XKR6: variants seen among roughly 807,000 people sequenced by gnomAD.
XKR6 encodes XK related 6, also known as XK-related protein 6.
In XKR6, 22 loss-of-function variants were observed where a neutral mutation model predicts 56.7. The observed-to-expected ratio is 0.39, with a 90% CI of 0.28 to 0.55. The LOEUF is 0.55. Ranked by LOEUF, XKR6 falls within the 20% of genes least tolerant of loss-of-function variation. The pLI is 0.66. For missense variants in XKR6, 852 were observed against 889.0 expected, an observed-to-expected ratio of 0.96 and a Z score of 0.53; for synonymous variants, 524 against 387.8, an observed-to-expected ratio of 1.35 and a Z score of -4.13.
chr8:10,951,299 G>GTGTGTGTGTGTGTGTGTGTGTGTGTGT (rs762396240), intron 1 of XKR6, among the ~76,000 whole-genome samples: 3 of 117,538 alleles, frequency 2.6e-5, no homozygotes, highest in South Asian at 2.5e-4. Flanking sequence ...GTGTGTGTGT[G>GTGTGTGTGTGTGTGTGTGTGTGTGTGT]GGGGGGGGGG....
intron 1 of XKR6, among the ~76,000 whole-genome samples, chr8:10,960,082 A>G (rs1802015324): frequency 6.6e-6 from 1 of 152,376 alleles, no homozygotes; most frequent in East Asian, 1.9e-4. Context: ...TCCATGACTC[A>G]GTCTTCAAAC....
chr8:11,083,703 A>G (rs941395062), intron 1 of XKR6, among the ~76,000 whole-genome samples: 7 of 152,174 alleles, frequency 4.6e-5, no homozygotes, highest in Non-Finnish European at 8.8e-5. Flanking sequence ...AAAGCGATCT[A>G]AGTGTCCAAT....
intron 1 of XKR6, among the ~76,000 whole-genome samples, chr8:11,117,313 C>T (rs1234981206): frequency 2.0e-5 from 3 of 152,158 alleles, no homozygotes; most frequent in Non-Finnish European, 4.4e-5. Context: ...GACACATACG[C>T]CTCTTGTCTC....
intron 2 of XKR6, among the ~76,000 whole-genome samples, chr8:10,912,552 G>T (rs1338579217): frequency 1.4e-4 from 20 of 143,540 alleles, no homozygotes; most frequent in Admixed American, 1.3e-3. Flanking sequence ...AAGAGAGAGG[G>T]TGTGTGTGTA....
intron 1 of XKR6, among the ~76,000 whole-genome samples, chr8:11,085,283 G>A (rs1351192031): frequency 1.3e-5 from 2 of 152,168 alleles, no homozygotes; most frequent in African/African-American, 2.4e-5. Context: ...GTGGCAACAG[G>A]CGAAGCACGT....
At chr8:11,134,255 T>C (rs908598491) in intron 1 of XKR6, among the ~76,000 whole-genome samples, 1 of 152,174 alleles carries the variant, frequency 6.6e-6, no homozygotes, top group East Asian at 1.9e-4. Flanking sequence ...TGTGTTACTG[T>C]TGTCCATCTG....
intron 1 of XKR6, among the ~76,000 whole-genome samples, chr8:10,993,577 C>T (rs1033227017): frequency 2.0e-4 from 30 of 152,344 alleles, no homozygotes; most frequent in African/African-American, 5.8e-4. Flanking sequence ...CCTGCACCTG[C>T]GGCTACTGAG....
Position 10,912,463 on chromosome 8 carries a change from A to G in XKR6, c.961+12171T>C, listed in dbSNP as rs547586890. ...TAGGTGAGTGTATATATATATATAT[A>G]TATAGAGAGAGAGAGAGAGAGAGAG... is the stretch of plus-strand genomic sequence containing the variant. On this transcript the variant is annotated intron_variant, in intron 2 of 2. Coordinates refer to ENST00000416569, the MANE Select transcript of XKR6 (RefSeq NM_173683.4). 7.6e-4 allele frequency among the ~76,000 whole-genome samples: 92 copies of G among 121,634 alleles called. 1 individual carries two copies. The highest frequency in any genetic ancestry group is 8.1e-3 in the Middle Eastern group (2 of 246). 79.8% of individuals were successfully genotyped at this position (121,634 alleles called of 152,430 possible). A position where few individuals can be genotyped will look rare whatever the true frequency, so the allele number is the denominator to read the frequency against.
chr8:10,923,972 T>C (rs1460045661), intron 2 of XKR6, among the ~76,000 whole-genome samples: 1 of 152,206 alleles, frequency 6.6e-6, no homozygotes, highest in Non-Finnish European at 1.5e-5. Context: ...CATGCATGGC[T>C]CCATGGACTG....
chr8:11,003,772 G>T (rs141598109), intron 1 of XKR6, among the ~76,000 whole-genome samples: 246 of 152,252 alleles, frequency 1.6e-3, no homozygotes, highest in African/African-American at 5.7e-3. Context: ...AAATAATTAT[G>T]CTAACACATA....
At chr8:11,185,943 G>T (rs1308776382) in intron 1 of XKR6, among the ~76,000 whole-genome samples, 1 of 152,164 alleles carries the variant, frequency 6.6e-6, no homozygotes, top group Non-Finnish European at 1.5e-5. Flanking sequence ...CTGATCGATG[G>T]AAACAGGGCT....
chr8:11,150,706 A>G (rs1381464350), intron 1 of XKR6, among the ~76,000 whole-genome samples: 1 of 152,032 alleles, frequency 6.6e-6, no homozygotes. Flanking sequence ...TACAAAAATT[A>G]GCTGGGTGTG....
chr8:11,146,142 A>C (rs1800971203), intron 1 of XKR6, among the ~76,000 whole-genome samples: 1 of 152,242 alleles, frequency 6.6e-6, no homozygotes, highest in African/African-American at 2.4e-5. Context: ...ATTGTTTAGA[A>C]AACACAATAA....
intron 1 of XKR6, among the ~76,000 whole-genome samples, chr8:11,123,045 C>T (rs938086765): frequency 1.3e-5 from 2 of 151,842 alleles, no homozygotes; most frequent in African/African-American, 2.4e-5. Context: ...CAGACCAGCC[C>T]GGCCAACATG....
intron 1 of XKR6, among the ~76,000 whole-genome samples, chr8:10,995,727 T>C (rs1234304699): frequency 1.3e-5 from 2 of 151,772 alleles, no homozygotes; most frequent in African/African-American, 4.8e-5. Context: ...GCATTAATTT[T>C]CAAGGCTGAA....
intron 1 of XKR6, among the ~76,000 whole-genome samples, chr8:10,979,276 G>A (rs1344232436): frequency 2.6e-5 from 4 of 152,078 alleles, no homozygotes; most frequent in Admixed American, 6.5e-5. Context: ...GAACTCAATA[G>A]GAATTTGTTG....
intron 1 of XKR6, among the ~76,000 whole-genome samples, chr8:10,951,885 C>T (rs891570590): frequency 6.6e-6 from 1 of 152,040 alleles, no homozygotes; most frequent in Non-Finnish European, 1.5e-5. Flanking sequence ...GATGCCAGGT[C>T]GGGAAGAGGC....
chr8:11,024,956 TC>T (rs1798828101), intron 1 of XKR6, among the ~76,000 whole-genome samples: 1 of 152,216 alleles, frequency 6.6e-6, no homozygotes, highest in Admixed American at 6.5e-5. Flanking sequence ...AGACCGGCTC[TC>T]TAAAGTGGCT....
chr8:10,976,457 C>A (rs923582535), intron 1 of XKR6, among the ~76,000 whole-genome samples: 2 of 152,136 alleles, frequency 1.3e-5, no homozygotes, highest in African/African-American at 4.8e-5. Context: ...CAGGACAGGA[C>A]CTGAGAACCA....
Sources: allele counts gnomAD v4.1 joint callset (sites outside exome capture counted in the v4.1 genomes callset), GRCh38; gene constraint gnomAD v4.1.1; transcripts MANE v1.5; gene names NCBI Gene and HGNC (gene_info 2026-07-23, HGNC 2026-07-21).